RABGAP1L: variants seen among roughly 807,000 people sequenced by gnomAD.
The protein encoded by RABGAP1L is RAB GTPase activating protein 1 like.
Under a neutral mutation model 137.7 loss-of-function variants are expected in RABGAP1L, and 63 were observed. The observed-to-expected ratio is 0.46, with a 90% confidence interval of 0.37 to 0.56. The LOEUF (loss-of-function observed/expected upper bound fraction) is 0.56. RABGAP1L is among the 20% of genes least tolerant of loss of function. RABGAP1L has a pLI of 0.00. For synonymous variants in RABGAP1L, 431 were observed against 433.7 expected, an observed-to-expected ratio of 0.99 and a Z score of 0.08; for missense variants, 1,095 against 1,244.0, an observed-to-expected ratio of 0.88 and a Z score of 1.80.
At chr1:174,652,613 G>A (rs1214006546) in intron 14 of RABGAP1L, among the ~76,000 whole-genome samples, 6 of 152,150 alleles carry the variant, frequency 3.9e-5, no homozygotes, top group African/African-American at 9.7e-5. Flanking sequence ...GTTTGCCTGC[G>A]TATCACCAGC....
chr1:174,161,878 G>C (rs1430656205), intron 1 of RABGAP1L, among the ~76,000 whole-genome samples: 1 of 152,128 alleles, frequency 6.6e-6, no homozygotes, highest in Non-Finnish European at 1.5e-5. Flanking sequence ...ACAGGCACAT[G>C]CCACCAAACC....
chr1:174,451,077 A>G (rs1558245749), intron 13 of RABGAP1L, among the ~76,000 whole-genome samples: 4 of 152,164 alleles, frequency 2.6e-5, no homozygotes, highest in Admixed American at 1.3e-4. Flanking sequence ...TTAGGACAAG[A>G]GTTTACTTTT....
chr1:174,960,156 CAA>C (rs1413040332), intron 20 of RABGAP1L, among the ~76,000 whole-genome samples: 1 of 152,036 alleles, frequency 6.6e-6, no homozygotes, highest in Non-Finnish European at 1.5e-5. Context: ...TGCCATATGA[CAA>C]GAGAGTTAGA....
At chr1:174,506,013 A>G (rs964735776) in intron 13 of RABGAP1L, among the ~76,000 whole-genome samples, 3 of 152,232 alleles carry the variant, frequency 2.0e-5, no homozygotes, top group African/African-American at 7.2e-5. Flanking sequence ...AACCTGGAAG[A>G]TGTTATATTC....
chr1:174,568,672 T>C (rs566389204), intron 13 of RABGAP1L, among the ~76,000 whole-genome samples: 5 of 152,228 alleles, frequency 3.3e-5, no homozygotes, highest in Admixed American at 2.0e-4. Context: ...ACTAAAGTTT[T>C]ATTTGAGAGA....
At chr1:174,233,199 CTTCA>C (rs1670833927) in intron 4 of RABGAP1L, among the ~76,000 whole-genome samples, 1 of 152,072 alleles carries the variant, frequency 6.6e-6, no homozygotes, top group South Asian at 2.1e-4. Flanking sequence ...CCTTCTCTCT[CTTCA>C]TTCATCAAAA....
chr1:174,263,176 C>T (rs1673747200), intron 7 of RABGAP1L, among the ~76,000 whole-genome samples: 1 of 152,234 alleles, frequency 6.6e-6, no homozygotes, highest in African/African-American at 2.4e-5. Context: ...CACCTGCCTG[C>T]CAGCCTTTGC....
chr1:174,160,019 T>G (rs1223832873), intron 1 of RABGAP1L: 1 of 152,360 alleles, frequency 6.6e-6, no homozygotes, highest in Admixed American at 6.5e-5. Flanking sequence ...TGGCTGCTGC[T>G]GGATTCGCAG....
chr1:174,212,570 A>G (rs1196019194), intron 1 of RABGAP1L, among the ~76,000 whole-genome samples: 1 of 152,140 alleles, frequency 6.6e-6, no homozygotes, highest in Non-Finnish European at 1.5e-5. Flanking sequence ...TTATTACTGT[A>G]AGTGCCTACA....
intron 17 of RABGAP1L, among the ~76,000 whole-genome samples, chr1:174,749,444 C>T (rs748460154): frequency 1.3e-5 from 2 of 151,996 alleles, no homozygotes; most frequent in Non-Finnish European, 2.9e-5. Context: ...CTCCTCCTGC[C>T]TCAGCCTCCC....
intron 17 of RABGAP1L, among the ~76,000 whole-genome samples, chr1:174,739,274 A>G (rs1004636971): frequency 3.3e-5 from 5 of 152,236 alleles, no homozygotes; most frequent in Admixed American, 6.5e-5. Flanking sequence ...ATTTTGTTCC[A>G]TAAAAGCTAA....
Position 174,579,963 on chromosome 1 carries a change from G to T in RABGAP1L, c.1711-57412G>T, listed in dbSNP as rs188841039. On this transcript the variant is annotated intron_variant, in intron 13 of 25. Transcript: ENST00000681986. ...TTTGGTAGAGACAGGGTTTCACCAT[G>T]TTGGCCAGGCTGGTCTTGAACTCCT... Among the ~76,000 whole-genome samples the T allele has an allele frequency of 2.0e-3, 302 of 152,282 alleles. 1 individual carries two copies. The highest frequency in any genetic ancestry group is 6.8e-3 in the African/African-American group (284 of 41,542).
intron 18 of RABGAP1L, among the ~76,000 whole-genome samples, chr1:174,785,616 A>G (rs913788991): frequency 6.6e-6 from 1 of 152,240 alleles, no homozygotes; most frequent in Non-Finnish European, 1.5e-5. Context: ...AAGACAGCAA[A>G]GCTGACTCTG....
chr1:174,656,641 A>C (rs1331663456), intron 14 of RABGAP1L, among the ~76,000 whole-genome samples: 1 of 151,960 alleles, frequency 6.6e-6, no homozygotes. Flanking sequence ...TCATTAACCT[A>C]TATTCTGTTT....
intron 19 of RABGAP1L, among the ~76,000 whole-genome samples, chr1:174,947,672 A>C (rs1018999954): frequency 6.6e-6 from 1 of 152,118 alleles, no homozygotes; most frequent in African/African-American, 2.4e-5. Flanking sequence ...TACTTGCCTC[A>C]GCTTCCCAAA....
At chr1:174,349,806 G>A (rs529623466) in intron 11 of RABGAP1L, among the ~76,000 whole-genome samples, 82 of 124,632 alleles carry the variant, frequency 6.6e-4, no homozygotes, top group African/African-American at 2.2e-3. Context: ...AGTAGGGGCG[G>A]CCGGGCAGAG....
At chr1:174,290,334 C>T (rs1030955533) in intron 10 of RABGAP1L, among the ~76,000 whole-genome samples, 1 of 152,194 alleles carries the variant, frequency 6.6e-6, no homozygotes, top group African/African-American at 2.4e-5. Context: ...GGGAAGCATG[C>T]TGGAATATTG....
chr1:174,522,356 C>T (rs1273732319), intron 13 of RABGAP1L, among the ~76,000 whole-genome samples: 2 of 152,042 alleles, frequency 1.3e-5, no homozygotes, highest in African/African-American at 4.8e-5. Context: ...GGCAGGTGAT[C>T]ATGTGAGCTC....
intron 13 of RABGAP1L, among the ~76,000 whole-genome samples, chr1:174,513,433 C>A (rs896676157): frequency 6.6e-6 from 1 of 151,860 alleles, no homozygotes; most frequent in African/African-American, 2.4e-5. Flanking sequence ...CATAGTGACA[C>A]CCTGTCTCTA....
Sources: gnomAD v4.1 joint callset for allele counts (sites outside exome capture counted in the v4.1 genomes callset) on GRCh38, gnomAD v4.1.1 for gene constraint, MANE v1.5 for transcripts, NCBI Gene and HGNC (gene_info 2026-07-23, HGNC 2026-07-21) for gene names.